LDAH: variants seen among roughly 807,000 people sequenced by gnomAD.
The protein encoded by LDAH is lipid droplet-associated hydrolase.
A neutral mutation model predicts 29.6 loss-of-function variants in LDAH; 26 were observed. The ratio of observed to expected loss-of-function variants is 0.88; its 90% CI spans 0.64 to 1.22. LDAH has a LOEUF of 1.22. Among genes scored for constraint, LDAH ranks in the 50% most tolerant of loss-of-function variants. The pLI is 0.00. For synonymous variants in LDAH, 117 were observed against 133.0 expected (o/e 0.88, Z 0.83); for missense variants, 344 against 387.3 (o/e 0.89, Z 0.94).
chr2:20,774,180 A>G (rs1669630191), intron 4 of LDAH, among the ~76,000 whole-genome samples: 1 of 152,178 alleles, frequency 6.6e-6, no homozygotes, highest in Non-Finnish European at 1.5e-5. Context: ...GTTTTGTTTT[A>G]TATCTCTTAT....
intron 4 of LDAH, among the ~76,000 whole-genome samples, chr2:20,758,972 A>C (rs1668504757): frequency 6.6e-6 from 1 of 152,226 alleles, no homozygotes; most frequent in Non-Finnish European, 1.5e-5. Context: ...TCTCTTCTGA[A>C]AAAATGTCTA....
chr2:20,805,529 T>C (rs1298590875), intron 1 of LDAH, among the ~76,000 whole-genome samples: 3 of 152,274 alleles, frequency 2.0e-5, no homozygotes, highest in East Asian at 1.9e-4. Flanking sequence ...TGTAATTATA[T>C]ACTGGTAAAG....
chr2:20,756,197 G>A (rs1668329632), intron 4 of LDAH, among the ~76,000 whole-genome samples: 1 of 152,074 alleles, frequency 6.6e-6, no homozygotes, highest in African/African-American at 2.4e-5. Flanking sequence ...ACCATGCCCA[G>A]CTAATTTTTG....
chr2:20,684,841 A>G lies in LDAH; in HGVS notation c.*2062T>C. On this transcript the variant is annotated 3_prime_UTR_variant, in exon 7 of 7. Transcript: ENST00000237822. The stretch of plus-strand genomic sequence containing the variant: ...AGGCAGAGCTGCTTCTGGAAAATGG[A>G]TTTCTTCCACTGTTTGTCCATTTTA... 1 of 1,535,670 alleles carries G rather than the reference A, an allele frequency of 6.5e-7. No individual in the cohort carries two copies. The highest frequency in any genetic ancestry group is 1.4e-5 in the African/African-American group (1 of 72,424).
chr2:20,812,933 C>T (rs1672597464), intron 1 of LDAH, among the ~76,000 whole-genome samples: 1 of 152,130 alleles, frequency 6.6e-6, no homozygotes, highest in Non-Finnish European at 1.5e-5. Context: ...ATTATTTCAT[C>T]CTCCCACCCC....
chr2:20,727,507 A>G (rs1233344845), intron 5 of LDAH, among the ~76,000 whole-genome samples: 1 of 152,240 alleles, frequency 6.6e-6, no homozygotes, highest in African/African-American at 2.4e-5. Context: ...TCAACAAAGT[A>G]ATGTAATCTA....
chr2:20,732,040 T>C (rs1666446375), intron 5 of LDAH, among the ~76,000 whole-genome samples: 1 of 152,184 alleles, frequency 6.6e-6, no homozygotes, highest in South Asian at 2.1e-4. Flanking sequence ...CAGCACTATG[T>C]TGAATAAGAG....
At chr2:20,734,912 T>C (rs1201830678) in intron 5 of LDAH, among the ~76,000 whole-genome samples, 3 of 152,222 alleles carry the variant, frequency 2.0e-5, no homozygotes, top group African/African-American at 4.8e-5. Flanking sequence ...ATACAGAATT[T>C]TGGATTAATA....
Position 20,685,594 on chromosome 2 carries a change from T to C in LDAH, c.*1309A>G, listed in dbSNP as rs1009759678. 8 of 1,550,350 alleles carry C rather than the reference T, an allele frequency of 5.2e-6. No homozygotes were observed. In the African/African-American group the frequency reaches 1.1e-4, roughly 21 times the overall value. The stretch of plus-strand genomic sequence containing the variant: ...AGCCAAATCTTTCATCAGGGGGCTT[T>C]AGGATTTGAGCGGAGGGACATCTCA... On this transcript the variant is annotated 3_prime_UTR_variant, in exon 7 of 7. Coordinates refer to ENST00000237822, the MANE Select transcript of LDAH (RefSeq NM_021925.4).
chr2:20,760,986 G>A lies in LDAH; in HGVS notation c.468+13824C>T, dbSNP rs549146259. 5.9e-5 allele frequency among the ~76,000 whole-genome samples: 9 copies of A among 152,232 alleles called. No homozygotes were observed. In the South Asian group the frequency reaches 1.7e-3, roughly 28 times the overall value. On this transcript the variant is annotated intron_variant, in intron 4 of 6. Coordinates refer to ENST00000237822, the MANE Select transcript of LDAH (RefSeq NM_021925.4). ...TTCCTTTCACTTACAGCAGTATTTT[G>A]TACAAACATTTGTGCTATCCAATTT...
At chr2:20,731,955 G>A (rs1666439870) in intron 5 of LDAH, among the ~76,000 whole-genome samples, 1 of 151,540 alleles carries the variant, frequency 6.6e-6, no homozygotes, top group Non-Finnish European at 1.5e-5. Context: ...ATCTACAAAC[G>A]AGATTAATTT....
intron 2 of LDAH, among the ~76,000 whole-genome samples, chr2:20,797,809 A>G (rs1249312150): frequency 6.6e-6 from 1 of 152,142 alleles, no homozygotes; most frequent in Non-Finnish European, 1.5e-5. Flanking sequence ...TATTGCATCC[A>G]TTAAACATGA....
At chr2:20,725,685 C>T (rs966654812) in intron 5 of LDAH, among the ~76,000 whole-genome samples, 2 of 152,234 alleles carry the variant, frequency 1.3e-5, no homozygotes, top group Non-Finnish European at 2.9e-5. Context: ...TATGGCTTTT[C>T]TCTATTCCTC....
Position 20,684,984 on chromosome 2 carries a change from TCTAA to T in LDAH, c.*1915_*1918del. 6.5e-7 allele frequency: 1 copy of T among 1,545,170 alleles called. No homozygotes were observed. On this transcript the variant is annotated 3_prime_UTR_variant, in exon 7 of 7. Coordinates refer to ENST00000237822, the MANE Select transcript of LDAH (RefSeq NM_021925.4). ...TTTAAAAGAGAGACTTTGAGCCGAG[TCTAA>T]CTCAGGAGAACTGCTCAAATTGTAC...
At chr2:20,765,140 T>G (rs188087030) in intron 4 of LDAH, among the ~76,000 whole-genome samples, 1 of 152,252 alleles carries the variant, frequency 6.6e-6, no homozygotes, top group Admixed American at 6.5e-5. Flanking sequence ...TTTTCAAGTA[T>G]GTAGACTAAA....
chr2:20,789,356 T>C (rs1379059266), intron 3 of LDAH: 9 of 1,512,070 alleles, frequency 6.0e-6, no homozygotes, highest in East Asian at 4.9e-5. Context: ...AATCGGGAAG[T>C]AGGTTTTCAT....
intron 1 of LDAH, among the ~76,000 whole-genome samples, chr2:20,806,475 C>A (rs916455909): frequency 1.3e-5 from 2 of 151,742 alleles, no homozygotes; most frequent in Non-Finnish European, 2.9e-5. Flanking sequence ...TTTTAAAGGC[C>A]CAGGGCAGAA....
Position 20,698,163 on chromosome 2 carries a change from C to T in LDAH, c.786+3407G>A, listed in dbSNP as rs943487325. On this transcript the variant is annotated intron_variant, in intron 6 of 6. Transcript: ENST00000237822. The surrounding 1 kb of genome is among the most constrained non-coding windows in gnomAD (Gnocchi z 4.4). ...CGTCCCCATCTATCCATCTGTCTAG[C>T]ACATATTTACTGACTGTTTACCAGG... Among the ~76,000 whole-genome samples the T allele has an allele frequency of 6.6e-6, 1 of 152,186 alleles. No individual in the cohort carries two copies. The highest frequency in any genetic ancestry group is 1.5e-5 in the Non-Finnish European group (1 of 68,042).
intron 4 of LDAH, among the ~76,000 whole-genome samples, chr2:20,742,294 T>C (rs1363546335): frequency 6.6e-6 from 1 of 152,250 alleles, no homozygotes; most frequent in Non-Finnish European, 1.5e-5. Context: ...AAGTAGTCTA[T>C]AGACGTCAAT....
Sources: gnomAD v4.1 joint callset for allele counts (sites outside exome capture counted in the v4.1 genomes callset) on GRCh38, gnomAD v4.1.1 for gene constraint, Gnocchi (gnomAD v3.1) non-coding constraint, MANE v1.5 for transcripts, NCBI Gene and HGNC (gene_info 2026-07-23, HGNC 2026-07-21) for gene names.